The following JMJD6 variants were observed in gnomAD, a reference collection of about 807,000 sequenced individuals.
The protein encoded by JMJD6 is bifunctional arginine demethylase and lysyl-hydroxylase JMJD6.
JMJD6 carries 17 observed loss-of-function variants against 45.8 expected under a neutral mutation model. The ratio of observed to expected loss-of-function variants is 0.37; its 90% CI spans 0.25 to 0.56. The LOEUF is 0.56. Among genes scored for constraint, JMJD6 ranks in the 20% least tolerant of loss-of-function variants. JMJD6 has a pLI of 0.79. For synonymous variants in JMJD6, 221 were observed against 196.3 expected, an observed-to-expected ratio of 1.13 and a Z score of -1.05; for missense variants, 470 against 517.5, an observed-to-expected ratio of 0.91 and a Z score of 0.89.
chr17:76,721,307 C>T (rs1249576498), intron 4 of JMJD6: 1 of 451,926 alleles, frequency 2.2e-6, no homozygotes, highest in Non-Finnish European at 4.5e-6. Context: ...CACAGTGGCA[C>T]GGGGTGGCTG....
downstream of JMJD6, among the ~76,000 whole-genome samples, chr17:76,717,026 T>C (rs1025833442): frequency 1.3e-5 from 2 of 152,228 alleles, no homozygotes; most frequent in Middle Eastern, 3.4e-3. Context: ...TCACTTGAAT[T>C]TCCCCATGGA....
At position 76,723,953 on chromosome 17, in the gene JMJD6, C is replaced by T; in HGVS notation, c.624G>A (p.Leu208=). Reference sequence around the variant, plus strand: ...GTTCCCTGGGAGTGCTGGTAGGAAACAGGCACCAGCGCTTGTGGCCCTGAA... The same window carrying T: ...GTTCCCTGGGAGTGCTGGTAGGAAATAGGCACCAGCGCTTGTGGCCCTGAA... The part of the protein sequence containing the change: ...ALVQGHKRWC[L]FPTSTPRELI... Residue 208 remains leucine (L), a synonymous_variant, in exon 3 of 6, where the codon CTG becomes CTA. Coordinates refer to ENST00000397625, the MANE Select transcript of JMJD6 (RefSeq NM_015167.3). 2 of 1,614,112 alleles carry T rather than the reference C, an allele frequency of 1.2e-6. No homozygotes were observed. The highest frequency in any genetic ancestry group is 2.2e-5 in the East Asian group (1 of 44,882).
downstream of JMJD6, chr17:76,716,553 C>T: frequency 1.2e-6 from 1 of 801,238 alleles, no homozygotes; most frequent in South Asian, 1.5e-5. Flanking sequence ...AAGATAGGAG[C>T]TTGGACCAGG....
chr17:76,722,845 C>CAAAAA (rs71158058), intron 3 of JMJD6, among the ~76,000 whole-genome samples: 744 of 43,256 alleles, frequency 0.017, 145 homozygotes, highest in African/African-American at 0.087. Flanking sequence ...GACTTGGTCT[C>CAAAAA]AAAAAAAAAA....
At chr17:76,721,502 G>C (rs149838558) in intron 4 of JMJD6, 2 of 401,722 alleles carry the variant, frequency 5.0e-6, no homozygotes, top group Non-Finnish European at 9.3e-6. Flanking sequence ...TTTAGCTAGC[G>C]CTAGCTTTGA....
At chr17:76,715,611 AGT>A (rs1490310454), downstream of JMJD6, 1 of 152,258 alleles carries the variant, frequency 6.6e-6, no homozygotes, top group East Asian at 1.9e-4. Context: ...TGAACACTGC[AGT>A]GAGAGCTCCT....
At chr17:76,722,712 G>A (rs1260377719) in intron 3 of JMJD6, among the ~76,000 whole-genome samples, 1 of 151,732 alleles carries the variant, frequency 6.6e-6, no homozygotes, top group Non-Finnish European at 1.5e-5. Context: ...TGGGTGTGGC[G>A]GCATGTGCCT....
intron 1 of JMJD6, 65 bp from the exon 2 acceptor site, chr17:76,725,920 T>C (rs997605863): frequency 2.5e-5 from 38 of 1,498,332 alleles, no homozygotes; most frequent in Non-Finnish European, 3.3e-5. Flanking sequence ...CAGATAAGGG[T>C]GTCCCCAAGG....
chr17:76,721,149 C>G (rs574039318), intron 4 of JMJD6: 2 of 226,294 alleles, frequency 8.8e-6, no homozygotes, highest in East Asian at 1.9e-4. Context: ...GCCTACGGGG[C>G]GGGGTAAGTG....
chr17:76,720,154 C>G (rs751796330), intron 5 of JMJD6, among the ~76,000 whole-genome samples: 9 of 152,152 alleles, frequency 5.9e-5, no homozygotes, highest in Non-Finnish European at 1.2e-4. Flanking sequence ...TCCAAACAAA[C>G]AAAAATTCAT....
chr17:76,723,700 C>T, intron 3 of JMJD6, 72 bp downstream of exon 3: 1 of 1,459,374 alleles, frequency 6.9e-7, no homozygotes, highest in East Asian at 2.3e-5. Context: ...CTCAGCCTCC[C>T]AAAGTGCTGG....
intron 3 of JMJD6, 76 bp from the exon 4 acceptor site, chr17:76,722,009 T>C (rs1245594801): frequency 6.6e-7 from 1 of 1,516,252 alleles, no homozygotes; most frequent in Non-Finnish European, 9.0e-7. Flanking sequence ...ACACCAGAAA[T>C]TGGGAACTCC....
intron 4 of JMJD6, among the ~76,000 whole-genome samples, 180 bp downstream of exon 4, chr17:76,721,618 G>C (rs892047720): frequency 6.6e-6 from 1 of 152,076 alleles, no homozygotes; most frequent in East Asian, 1.9e-4. Flanking sequence ...CGAGGCTGGC[G>C]AACACCCTGA....
At chr17:76,716,511 C>T (rs932567883), downstream of JMJD6, 1 of 611,744 alleles carries the variant, frequency 1.6e-6, no homozygotes, top group African/African-American at 1.8e-5. Flanking sequence ...GATAATCTAT[C>T]CTTAGGAAGC....
At chr17:76,716,368 C>T (rs1000219700), downstream of JMJD6, 8 of 312,108 alleles carry the variant, frequency 2.6e-5, no homozygotes, top group South Asian at 4.6e-5. Flanking sequence ...AGACACAAGA[C>T]GTTACAAGGA....
In JMJD6 at chr17:76,725,702, G is replaced by T; in HGVS notation, c.283C>A (p.Arg95=). The T allele has an allele frequency of 6.2e-7, 1 of 1,614,034 alleles. No individual in the cohort carries two copies. The highest frequency in any genetic ancestry group is 1.3e-5 in the African/African-American group (1 of 74,988). The change falls in exon 2 of 6, where the codon CGG becomes AGG. Residue 95 remains arginine, a synonymous_variant. Transcript: ENST00000397625. ...WTLERLKRKY[R]NQKFKCGEDN... Reference sequence around the variant, plus strand: ...TCACCACACTTGAACTTCTGGTTCCGATATTTCCTTTTTAGGCGCTCCAGA... The same window carrying T: ...TCACCACACTTGAACTTCTGGTTCCTATATTTCCTTTTTAGGCGCTCCAGA...
Position 76,725,529 on chromosome 17 carries a change from C to T in JMJD6, c.456G>A (p.Val152=), listed in dbSNP as rs199836423. 1.2e-6 allele frequency: 2 copies of T among 1,613,962 alleles called. No individual in the cohort carries two copies. The highest frequency in any genetic ancestry group is 4.5e-5 in the East Asian group (2 of 44,890). The change falls in exon 2 of 6, where the codon GTG becomes GTA. Residue 152 remains valine, a synonymous_variant. Transcript: ENST00000397625. ...KRRKLLEDYK[V]PKFFTDDLFQ... is the part of the protein sequence containing the mutation. ...AAAGGTCATCAGTGAAAAACTTTGG[C>T]ACCTTGTAGTCTTCCAAAAGTTTCC...
At position 76,726,526 on chromosome 17, in the gene JMJD6, C is replaced by G; in HGVS notation, c.-51G>C. 6.4e-7 allele frequency: 1 copy of G among 1,554,446 alleles called. No individual in the cohort carries two copies. The highest frequency in any genetic ancestry group is 2.4e-5 in the East Asian group (1 of 41,304). Reference sequence around the variant, plus strand: ...CTACGACCTCGGCGCAGCCCGCTTCCTGACACTAACGCACCCCTCCCCGGC... The same window carrying G: ...CTACGACCTCGGCGCAGCCCGCTTCGTGACACTAACGCACCCCTCCCCGGC... On this transcript the variant is annotated 5_prime_UTR_variant, in exon 1 of 6. Coordinates refer to ENST00000397625, the MANE Select transcript of JMJD6 (RefSeq NM_015167.3).
downstream of JMJD6, chr17:76,714,797 G>A (rs2076752714): frequency 6.6e-6 from 1 of 152,170 alleles, no homozygotes; most frequent in African/African-American, 2.4e-5. Flanking sequence ...AAAACTGGGT[G>A]GCTAATCTTT....
Sources: gnomAD v4.1 joint callset for allele counts (sites outside exome capture counted in the v4.1 genomes callset) on GRCh38, gnomAD v4.1.1 for gene constraint, MANE v1.5 for transcripts, NCBI Gene and HGNC (gene_info 2026-07-23, HGNC 2026-07-21) for gene names.